The following PROM1 variants were observed in gnomAD, a reference collection of about 807,000 sequenced individuals.
PROM1 encodes the protein prominin 1.
Under a neutral mutation model 116.9 loss-of-function variants are expected in PROM1, and 105 were observed. The ratio of observed to expected loss-of-function variants is 0.90; its 90% CI spans 0.77 to 1.06. PROM1 has a LOEUF of 1.06. Ranked by LOEUF, PROM1 falls within the 50% of genes least tolerant of loss-of-function variation. The pLI is 0.00. For missense variants in PROM1, 1,122 were observed against 1,045.2 expected (o/e 1.07, Z -1.01); for synonymous variants, 393 against 387.0 (o/e 1.02, Z -0.18).
chr4:16,052,602 T>C (rs1352862289), intron 2 of PROM1, among the ~76,000 whole-genome samples: 1 of 152,124 alleles, frequency 6.6e-6, no homozygotes, highest in African/African-American at 2.4e-5. Flanking sequence ...CTCAGTCTCC[T>C]GAGTAGCTGG....
rs982634579 is a variant in PROM1 at position 16,006,551 on chromosome 4, C to A, written c.1441G>T (p.Val481Phe). Residue 481 changes from valine to phenylalanine, a missense_variant, in exon 13 of 28, where the codon GTC becomes TTC. Physicochemically the swap from Val to Phe is conservative, Grantham distance 50. Transcript: ENST00000447510. ...GCAGACACTCACACCATGAGGAAGACGCCTCCGGTGTTGGAGACACAGCCT... is the reference window on the plus strand; with the variant it reads ...GCAGACACTCACACCATGAGGAAGAAGCCTCCGGTGTTGGAGACACAGCCT... Reference protein sequence around the residue: ...TRGCVSNTGGVFLMVGVGLSF... With the variant: ...TRGCVSNTGGFFLMVGVGLSF... 1.3e-6 allele frequency: 2 copies of A among 1,592,788 alleles called. No individual in the cohort carries two copies. The highest frequency in any genetic ancestry group is 1.7e-6 in the Non-Finnish European group (2 of 1,170,206).
chr4:16,044,857 AG>A (rs1736148649), intron 2 of PROM1, among the ~76,000 whole-genome samples: 1 of 152,186 alleles, frequency 6.6e-6, no homozygotes, highest in Non-Finnish European at 1.5e-5. Context: ...AGGCAAACCA[AG>A]TAGAACTGAC....
rs896325980 is a variant in PROM1, at chr4:15,992,150, T to G, written c.1911+98A>C. On this transcript the variant is annotated intron_variant, in intron 17 of 27. Transcript: ENST00000447510. ...CACTTTAAAATAGTCTTACATCATG[T>G]GAATCTCATCTTAATAAAAAATCAA... 7 of 1,484,084 alleles carry G rather than the reference T, an allele frequency of 4.7e-6. No individual in the cohort carries two copies. In the African/African-American group the frequency reaches 8.5e-5, roughly 18 times the overall value. The allele number at this position is 1,484,084 out of a possible 1,614,324, so 91.9% of individuals were successfully genotyped here. A position where few individuals can be genotyped will look rare whatever the true frequency, so the allele number is the denominator to read the frequency against.
chr4:16,056,244 C>T (rs1033423150), intron 2 of PROM1, among the ~76,000 whole-genome samples: 11 of 152,152 alleles, frequency 7.2e-5, no homozygotes, highest in South Asian at 4.1e-4. Context: ...AACCAGAAAA[C>T]GCTGCAACCA....
At chr4:15,987,388 G>C (rs1406788011) in intron 20 of PROM1, among the ~76,000 whole-genome samples, 1 of 152,168 alleles carries the variant, frequency 6.6e-6, no homozygotes, top group African/African-American at 2.4e-5. Context: ...CATTATCTCT[G>C]TGAAAGGGAC....
chr4:16,032,309 C>T (rs190967350), intron 5 of PROM1, among the ~76,000 whole-genome samples: 204 of 152,326 alleles, frequency 1.3e-3, no homozygotes, highest in African/African-American at 4.4e-3. Context: ...AAGCCATACA[C>T]ATCTTATCAG....
rs1203366908 is a variant in PROM1, at chr4:16,004,832, T to TTTTTCTTC, written c.1454+1705_1454+1706insGAAGAAAA. 1.5e-4 allele frequency among the ~76,000 whole-genome samples: 19 copies of TTTTTCTTC among 122,612 alleles called. No homozygotes were observed. In the East Asian group the frequency reaches 2.9e-3, roughly 19 times the overall value. The allele number at this position is 122,612 out of a possible 152,430, so 80.4% of individuals were successfully genotyped here. A position where few individuals can be genotyped will look rare whatever the true frequency, so the allele number is the denominator to read the frequency against. Reference sequence around the variant, plus strand: ...CTTTCTTTCTTTCTTTCTTTCTTTTTCTTCCTTCCTTCCTTCCTTCCTTCC... The same window carrying TTTTTCTTC: ...CTTTCTTTCTTTCTTTCTTTCTTTTTTTTTCTTCCTTCCTTCCTTCCTTCCTTCCTTCC... On this transcript the variant is annotated intron_variant, in intron 13 of 27. Coordinates refer to ENST00000447510, the MANE Select transcript of PROM1 (RefSeq NM_006017.3).
intron 1 of PROM1, among the ~76,000 whole-genome samples, chr4:16,078,633 TACTA>T (rs894765221): frequency 4.6e-5 from 7 of 152,160 alleles, no homozygotes; most frequent in African/African-American, 1.7e-4. Flanking sequence ...GATACATACT[TACTA>T]ACTTTCAAGA....
At chr4:15,976,830 T>G (rs1010253502) in intron 26 of PROM1, among the ~76,000 whole-genome samples, 1 of 152,194 alleles carries the variant, frequency 6.6e-6, no homozygotes, top group African/African-American at 2.4e-5. Flanking sequence ...CTTTTAGGAA[T>G]GACTTGCCTC....
rs147880953 is a variant in PROM1 at position 15,980,457 on chromosome 4, G to A, written c.2454C>T (p.Tyr818=). Residue 818 remains tyrosine (Y), a synonymous_variant, in exon 24 of 28, where the codon TAC becomes TAT. Coordinates refer to ENST00000447510, the MANE Select transcript of PROM1 (RefSeq NM_006017.3). ...CGTCCTCCGAATCCATTCGACGATA[G>A]TACTTAGCCAGTTTTACCGCAAAAA... ...ALIFAVKLAK[Y]YRRMDSEDVY... The A allele has an allele frequency of 1.9e-4, 298 of 1,555,902 alleles. 1 individual carries two copies. In the African/African-American group the frequency reaches 3.7e-3, roughly 19 times the overall value.
At chr4:15,978,704 C>T (rs1255165752) in intron 26 of PROM1, among the ~76,000 whole-genome samples, 5 of 152,212 alleles carry the variant, frequency 3.3e-5, no homozygotes, top group East Asian at 1.9e-4. Context: ...GGAAGGATCA[C>T]GCCCACTGAA....
chr4:15,989,105 G>C (rs1472432411), intron 19 of PROM1, among the ~76,000 whole-genome samples: 1 of 152,122 alleles, frequency 6.6e-6, no homozygotes, highest in South Asian at 2.1e-4. Context: ...ACAGGTAAGA[G>C]CAAGGCAGTT....
intron 2 of PROM1, among the ~76,000 whole-genome samples, chr4:16,063,734 C>A (rs1454268755): frequency 6.6e-6 from 1 of 152,124 alleles, no homozygotes; most frequent in Non-Finnish European, 1.5e-5. Context: ...CTGCACATTT[C>A]CTGAATGTCT....
At chr4:16,005,026 G>A (rs1309394653) in intron 13 of PROM1, among the ~76,000 whole-genome samples, 10 of 139,922 alleles carry the variant, frequency 7.1e-5, no homozygotes, top group Admixed American at 5.3e-4. Flanking sequence ...CAGTTGGCAC[G>A]ATCTCGGCTC....
chr4:16,076,230 C>T (rs144353399), intron 1 of PROM1, 112 bp from the exon 2 acceptor site: 4 of 263,308 alleles, frequency 1.5e-5, no homozygotes, highest in South Asian at 1.9e-4. Flanking sequence ...CAGCCTAATC[C>T]GGATGGGTGG....
chr4:15,975,122 A>C (rs1262708684), intron 26 of PROM1, among the ~76,000 whole-genome samples: 2 of 152,206 alleles, frequency 1.3e-5, no homozygotes, highest in African/African-American at 4.8e-5. Context: ...ATTATAGTGA[A>C]CCACAAACCC....
At chr4:16,058,199 C>T (rs1459816637) in intron 2 of PROM1, among the ~76,000 whole-genome samples, 1 of 152,186 alleles carries the variant, frequency 6.6e-6, no homozygotes, top group Non-Finnish European at 1.5e-5. Flanking sequence ...TCGCTCTAGG[C>T]ATCCGGCTCA....
chr4:16,031,976 T>C (rs549875586), intron 5 of PROM1, among the ~76,000 whole-genome samples: 14 of 151,522 alleles, frequency 9.2e-5, no homozygotes, highest in African/African-American at 2.7e-4. Flanking sequence ...GCCTGGTACA[T>C]AATCAAAAGA....
At chr4:16,054,015 A>G (rs907830554) in intron 2 of PROM1, among the ~76,000 whole-genome samples, 3 of 152,090 alleles carry the variant, frequency 2.0e-5, no homozygotes, top group Non-Finnish European at 4.4e-5. Flanking sequence ...AATCGCTTGA[A>G]CCTGGGAGGT....
Sources: gnomAD v4.1 joint callset for allele counts (sites outside exome capture counted in the v4.1 genomes callset) on GRCh38, gnomAD v4.1.1 for gene constraint, MANE v1.5 for transcripts, NCBI Gene and HGNC (gene_info 2026-07-23, HGNC 2026-07-21) for gene names.